Variants in PCDH9 observed in about 807,000 individuals in gnomAD.
PCDH9 encodes protocadherin 9.
In PCDH9, 24 loss-of-function variants were observed where a neutral mutation model predicts 70.6. The ratio of observed to expected loss-of-function variants is 0.34; its 90% CI spans 0.25 to 0.48. The LOEUF (loss-of-function observed/expected upper bound fraction) is 0.48, where lower values mean the gene tolerates loss of function less well. Among genes scored for constraint, PCDH9 ranks in the 20% least tolerant of loss-of-function variants. The pLI is 0.99. For missense variants in PCDH9, 1,281 were observed against 1,503.6 expected (o/e 0.85, Z 2.45); for synonymous variants, 562 against 558.5 (o/e 1.01, Z -0.09).
intron 2 of PCDH9, among the ~76,000 whole-genome samples, chr13:67,123,127 T>C (rs566492418): frequency 1.3e-5 from 2 of 152,306 alleles, no homozygotes; most frequent in South Asian, 4.1e-4. Flanking sequence ...AAAAATCTAC[T>C]AACCCTTCTA....
chr13:66,624,619 C>T (rs2077474671), intron 4 of PCDH9, among the ~76,000 whole-genome samples: 1 of 152,184 alleles, frequency 6.6e-6, no homozygotes, highest in Admixed American at 6.5e-5. Flanking sequence ...CCAGAGGGAA[C>T]TTTCGAAAGA....
At chr13:66,766,443 G>C (rs1358065888) in intron 3 of PCDH9, among the ~76,000 whole-genome samples, 1 of 151,930 alleles carries the variant, frequency 6.6e-6, no homozygotes, top group East Asian at 1.9e-4. Flanking sequence ...CATAATACAA[G>C]ATCCCACTTG....
chr13:66,304,402 A>G lies in PCDH9; in HGVS notation c.*253T>C, dbSNP rs185546029. On this transcript the variant is annotated 3_prime_UTR_variant, in exon 5 of 5. Transcript: ENST00000377865. ...CAGTCCAGGGTCAAAATAAAATGCA[A>G]TAATAAAAAAAATTTGCACAATGGA... The G allele has an allele frequency of 6.5e-4, 260 of 399,940 alleles. No individual in the cohort carries two copies. The highest frequency in any genetic ancestry group is 4.7e-3 in the African/African-American group (236 of 50,630). The allele number at this position is 399,940 out of a possible 1,614,324, so 24.8% of individuals were successfully genotyped here. A position where few individuals can be genotyped will look rare whatever the true frequency, so the allele number is the denominator to read the frequency against.
chr13:66,357,464 A>T (rs962254998), intron 4 of PCDH9, among the ~76,000 whole-genome samples: 3 of 152,074 alleles, frequency 2.0e-5, no homozygotes, highest in Non-Finnish European at 2.9e-5. Context: ...AACAGAGAAT[A>T]GCCACAATGA....
intron 2 of PCDH9, among the ~76,000 whole-genome samples, chr13:67,023,208 T>A (rs2084714134): frequency 6.6e-6 from 1 of 152,116 alleles, no homozygotes; most frequent in Admixed American, 6.6e-5. Flanking sequence ...AGAATATTTG[T>A]TTACAGTTAC....
intron 3 of PCDH9, among the ~76,000 whole-genome samples, chr13:66,653,891 C>A (rs2077888054): frequency 6.6e-6 from 1 of 150,636 alleles, no homozygotes. Flanking sequence ...TGGCTTGAAC[C>A]CGGGAGGCAG....
chr13:66,733,231 A>G (rs1298394530), intron 3 of PCDH9, among the ~76,000 whole-genome samples: 1 of 152,120 alleles, frequency 6.6e-6, no homozygotes, highest in African/African-American at 2.4e-5. Flanking sequence ...ATCCTCCAGG[A>G]TATTTCCATC....
At position 66,410,202 on chromosome 13, in the gene PCDH9, T is replaced by A. The variant is rs905761446; in HGVS notation, c.3341-105174A>T. 3.5e-4 allele frequency among the ~76,000 whole-genome samples: 51 copies of A among 145,176 alleles called. 1 individual carries two copies. Among genetic ancestry groups the A allele is most frequent in the African/African-American group, 9.3e-4 (37 of 39,860 alleles). ...CTGAAGTCTTTATTCTTCCTTTTTT[T>A]AAAAAAAAAAAAGCTCAATGGAAAT... On this transcript the variant is annotated intron_variant, in intron 4 of 4. Transcript: ENST00000377865.
intron 4 of PCDH9, among the ~76,000 whole-genome samples, chr13:66,450,609 C>A (rs1162934234): frequency 6.6e-6 from 1 of 152,128 alleles, no homozygotes. Flanking sequence ...AAGTAGTGAC[C>A]AATGGCGTTT....
intron 3 of PCDH9, among the ~76,000 whole-genome samples, chr13:66,891,253 G>A (rs1006386675): frequency 2.0e-5 from 3 of 151,848 alleles, no homozygotes; most frequent in Admixed American, 2.0e-4. Context: ...ATCAATATTT[G>A]TCTTATTTAA....
At chr13:66,989,749 C>T (rs2083964218) in intron 2 of PCDH9, among the ~76,000 whole-genome samples, 1 of 151,814 alleles carries the variant, frequency 6.6e-6, no homozygotes, top group Non-Finnish European at 1.5e-5. Context: ...ATTGAATATG[C>T]ACTTGGTATA....
At chr13:66,447,440 GC>G (rs1198321779) in intron 4 of PCDH9, among the ~76,000 whole-genome samples, 2 of 152,020 alleles carry the variant, frequency 1.3e-5, no homozygotes, top group Non-Finnish European at 2.9e-5. Context: ...AAAGGAATCT[GC>G]CCATATTAAT....
chr13:66,849,503 TATATATATATATATAG>T (rs1292141764), intron 3 of PCDH9, among the ~76,000 whole-genome samples: 21 of 92,750 alleles, frequency 2.3e-4, no homozygotes, highest in East Asian at 2.5e-4. Context: ...TATATATATA[TATATATATATATATAG>T]AGAGAGAGAG....
At chr13:67,035,200 G>A (rs565706862) in intron 2 of PCDH9, among the ~76,000 whole-genome samples, 65 of 152,242 alleles carry the variant, frequency 4.3e-4, no homozygotes, top group Admixed American at 1.9e-3. Context: ...TGAAAGGCAA[G>A]TAAATACTGT....
chr13:67,052,412 G>A (rs931230281), intron 2 of PCDH9, among the ~76,000 whole-genome samples: 1 of 152,040 alleles, frequency 6.6e-6, no homozygotes, highest in African/African-American at 2.4e-5. Flanking sequence ...AAAAAGGTGA[G>A]GTCTGCAGGG....
intron 2 of PCDH9, among the ~76,000 whole-genome samples, chr13:67,187,263 A>C (rs1339451393): frequency 1.3e-5 from 2 of 152,124 alleles, no homozygotes; most frequent in Non-Finnish European, 2.9e-5. Flanking sequence ...AGTAAATATA[A>C]AAGCCTCTTT....
intron 2 of PCDH9, among the ~76,000 whole-genome samples, chr13:67,056,902 T>C (rs1243352675): frequency 6.6e-6 from 1 of 152,142 alleles, no homozygotes; most frequent in Non-Finnish European, 1.5e-5. Context: ...TGATAATGTA[T>C]GTACAAATTT....
intron 2 of PCDH9, among the ~76,000 whole-genome samples, chr13:66,958,065 G>C (rs952246639): frequency 1.3e-5 from 2 of 152,178 alleles, no homozygotes; most frequent in Non-Finnish European, 2.9e-5. Context: ...TTGACATGTA[G>C]AAGAGGAAGA....
chr13:66,753,980 A>T (rs1215037467), intron 3 of PCDH9, among the ~76,000 whole-genome samples: 1 of 152,164 alleles, frequency 6.6e-6, no homozygotes. Flanking sequence ...AATTAACTTA[A>T]TCATTCATTT....
Sources: allele counts gnomAD v4.1 joint callset (sites outside exome capture counted in the v4.1 genomes callset), GRCh38; gene constraint gnomAD v4.1.1; transcripts MANE v1.5; gene names NCBI Gene and HGNC (gene_info 2026-07-23, HGNC 2026-07-21).